TRAK2: variants seen among roughly 807,000 people sequenced by gnomAD.
TRAK2 encodes trafficking kinesin-binding protein 2.
Under a neutral mutation model 104.6 loss-of-function variants are expected in TRAK2, and 81 were observed. The observed-to-expected ratio is 0.77, with a 90% CI of 0.65 to 0.93. The LOEUF (loss-of-function observed/expected upper bound fraction) is 0.93. TRAK2 is among the 40% of genes least tolerant of loss of function. The pLI, the probability that TRAK2 is intolerant of heterozygous loss-of-function variation, is 0.00. For missense variants in TRAK2, 1,002 were observed against 1,089.0 expected (o/e 0.92, Z 1.12); for synonymous variants, 406 against 394.4 (o/e 1.03, Z -0.35).
chr2:201,429,302 C>T (rs1395218412), intron 1 of TRAK2, among the ~76,000 whole-genome samples: 2 of 152,270 alleles, frequency 1.3e-5, no homozygotes, highest in African/African-American at 2.4e-5. Flanking sequence ...ACATTTTTTC[C>T]TTCATTTCAA....
At chr2:201,443,149 C>T (rs1951938494) in intron 1 of TRAK2, among the ~76,000 whole-genome samples, 1 of 152,136 alleles carries the variant, frequency 6.6e-6, no homozygotes, top group Admixed American at 6.5e-5. Context: ...ACCCTCTGTC[C>T]TTACTCAAGC....
chr2:201,396,457 A>C (rs1193477400), intron 7 of TRAK2, among the ~76,000 whole-genome samples: 1 of 151,412 alleles, frequency 6.6e-6, no homozygotes, highest in African/African-American at 2.5e-5. Context: ...TCTGTCGGGA[A>C]TACATTCCAC....
At chr2:201,430,016 G>T (rs1370093766) in intron 1 of TRAK2, among the ~76,000 whole-genome samples, 1 of 152,170 alleles carries the variant, frequency 6.6e-6, no homozygotes, top group African/African-American at 2.4e-5. Context: ...TGGTGTGGAT[G>T]ACCTTTATGT....
rs561774666 is a variant in TRAK2 at position 201,389,999 on chromosome 2, C to T, written c.1114-119G>A. On this transcript the variant is annotated intron_variant, in intron 10 of 15. Transcript: ENST00000332624. ...CAAGGAAATAGTCAAGGCTAACATT[C>T]AGGGGAAAAAAGACATTCTGGAAAT... The T allele has an allele frequency of 7.4e-6, 5 of 674,250 alleles. No individual in the cohort carries two copies. In the East Asian group the frequency reaches 1.1e-4, roughly 15 times the overall value. The allele number at this position is 674,250 out of a possible 1,614,324, so 41.8% of individuals were successfully genotyped here.
rs1559438421 is a variant in TRAK2, at chr2:201,389,451, C to T, written c.1246G>A (p.Gly416Ser). 10 of 1,614,026 alleles carry T rather than the reference C, an allele frequency of 6.2e-6. No individual in the cohort carries two copies. The East Asian group carries it at 2.0e-4, about 32-fold the overall frequency. Residue 416 changes from glycine (G) to serine (S), a missense_variant, in exon 12 of 16, where the codon GGC becomes AGC. Transcript: ENST00000332624. The stretch of plus-strand genomic sequence containing the variant: ...AGAGCTGGGAATGAGATAGAGCGGC[C>T]CCGTGTGTCATTGGCAATCCTGACG... ...DTVRIANDTRGRSISFPALLP... is the reference protein window; with the variant it reads ...DTVRIANDTRSRSISFPALLP...
intron 2 of TRAK2, chr2:201,412,082 C>A: frequency 1.8e-6 from 2 of 1,119,220 alleles, no homozygotes; most frequent in Non-Finnish European, 2.7e-6. Flanking sequence ...AAACACAGGG[C>A]CAAGTTCAGG....
At chr2:201,445,623 G>A (rs773874097) in intron 1 of TRAK2, among the ~76,000 whole-genome samples, 3 of 152,232 alleles carry the variant, frequency 2.0e-5, no homozygotes, top group African/African-American at 2.4e-5. Flanking sequence ...ACTCCCTAAG[G>A]AGGAAAAGAT....
At position 201,435,159 on chromosome 2, in the gene TRAK2, C is replaced by T. The variant is rs895410828; in HGVS notation, c.-199-14453G>A. 2.0e-5 allele frequency among the ~76,000 whole-genome samples: 3 copies of T among 152,114 alleles called. No homozygotes were observed. The South Asian group carries it at 6.2e-4, about 31-fold the overall frequency. ...GCAACCTTCGCCTCCTGGGCTCAAG[C>T]GATCCTCCCACCTCAGCCTCCCAAG... On this transcript the variant is annotated intron_variant, in intron 1 of 15. Transcript: ENST00000332624.
chr2:201,420,678 G>A lies in TRAK2; in HGVS notation c.-171C>T. ...CATCCGTAGCAACGAGCACTCTCAT[G>A]TGATTATCATACTTTGGACAGTCAT... On this transcript the variant is annotated 5_prime_UTR_variant, in exon 2 of 16. Transcript: ENST00000332624. The A allele has an allele frequency of 1.7e-6, 1 of 582,212 alleles. No individual in the cohort carries two copies. Among genetic ancestry groups the A allele is most frequent in the East Asian group, 2.9e-5 (1 of 34,054 alleles). 36.1% of individuals were successfully genotyped at this position (582,212 alleles called of 1,614,324 possible).
At chr2:201,389,036 T>A (rs896324238) in intron 12 of TRAK2, among the ~76,000 whole-genome samples, 1 of 152,158 alleles carries the variant, frequency 6.6e-6, no homozygotes, top group African/African-American at 2.4e-5. Context: ...ATCCTAAAAA[T>A]CACCAAAGCG....
At chr2:201,420,280 T>C (rs1201335202) in intron 2 of TRAK2, 137 bp downstream of exon 2, 2 of 655,476 alleles carry the variant, frequency 3.1e-6, no homozygotes, top group East Asian at 2.7e-5. Context: ...GAGAGATTAA[T>C]TCAGTTTTTC....
At chr2:201,450,688 CTTTTT>C (rs369626279) in intron 1 of TRAK2, among the ~76,000 whole-genome samples, 1 of 137,378 alleles carries the variant, frequency 7.3e-6, no homozygotes, top group African/African-American at 2.7e-5. Flanking sequence ...GTGAAGTTAC[CTTTTT>C]TTTTTTTTTT....
chr2:201,389,116 CA>C (rs34090969), intron 12 of TRAK2, among the ~76,000 whole-genome samples, 183 bp downstream of exon 12: 3 of 152,070 alleles, frequency 2.0e-5, no homozygotes, highest in African/African-American at 7.2e-5. Flanking sequence ...CAAACAGATT[CA>C]AAAAAATTTG....
chr2:201,428,955 T>A (rs1951816771), intron 1 of TRAK2, among the ~76,000 whole-genome samples: 1 of 152,202 alleles, frequency 6.6e-6, no homozygotes, highest in Admixed American at 6.5e-5. Context: ...TCACTCATGA[T>A]TTGGTTCTCT....
At position 201,377,881 on chromosome 2, in the gene TRAK2, A is replaced by G. The variant is rs1387808164; in HGVS notation, c.*2662T>C. ...ATCACTGAAAACCTTCTTAAAGGCG[A>G]AAAAAAAAAAAGATTGAGGTTTCCT... On this transcript the variant is annotated 3_prime_UTR_variant, in exon 16 of 16. Transcript: ENST00000332624. The G allele has an allele frequency of 1.7e-5, 2 of 120,700 alleles. No homozygotes were observed. Among genetic ancestry groups the G allele is most frequent in the Admixed American group, 8.1e-5 (1 of 12,302 alleles). The allele number at this position is 120,700 out of a possible 1,614,324, so 7.5% of individuals were successfully genotyped here. A position where few individuals can be genotyped will look rare whatever the true frequency, so the allele number is the denominator to read the frequency against.
chr2:201,388,105 C>G (rs759286719), intron 12 of TRAK2, 104 bp from the exon 13 acceptor site: 1 of 1,242,782 alleles, frequency 8.0e-7, no homozygotes, highest in South Asian at 1.2e-5. Flanking sequence ...ATATTAAAAA[C>G]ATGATATTTT....
At chr2:201,426,115 T>C (rs1951785754) in intron 1 of TRAK2, among the ~76,000 whole-genome samples, 1 of 152,198 alleles carries the variant, frequency 6.6e-6, no homozygotes, top group Admixed American at 6.5e-5. Flanking sequence ...CTGTGGCCTG[T>C]CAGGAACCAG....
Position 201,381,196 on chromosome 2 carries a change from A to T in TRAK2, c.2092T>A (p.Cys698Ser). Reference protein sequence around the residue: ...TPSSGFPSLSCGSSGSSSSNT... With the variant: ...TPSSGFPSLSSGSSGSSSSNT... ...GATGAACTGCTACCGCTACTTCCACAGGATAATGAAGGGAACCCAGAGCTT... is the reference window on the plus strand; with the variant it reads ...GATGAACTGCTACCGCTACTTCCACTGGATAATGAAGGGAACCCAGAGCTT... The change falls in exon 16 of 16, where the codon TGT becomes AGT. Residue 698 changes from cysteine (C) to serine (S), a missense_variant. Transcript: ENST00000332624. 6.2e-7 allele frequency: 1 copy of T among 1,606,600 alleles called. No homozygotes were observed. The highest frequency in any genetic ancestry group is 8.5e-7 in the Non-Finnish European group (1 of 1,175,406).
chr2:201,378,095 T>C lies in TRAK2; in HGVS notation c.*2448A>G, dbSNP rs1011211288. The C allele has an allele frequency of 6.6e-6, 1 of 152,148 alleles. No homozygotes were observed. The highest frequency in any genetic ancestry group is 1.5e-5 in the Non-Finnish European group (1 of 68,014). 9.4% of individuals were successfully genotyped at this position (152,148 alleles called of 1,614,324 possible). On this transcript the variant is annotated 3_prime_UTR_variant, in exon 16 of 16. Coordinates refer to ENST00000332624, the MANE Select transcript of TRAK2 (RefSeq NM_015049.3). ...ACCAAAAATGATTTTAGGTAGAAAC[T>C]TCAAAAAACAGCAAAACCCAGTTTT...
Sources: gnomAD v4.1 joint callset for allele counts (sites outside exome capture counted in the v4.1 genomes callset) on GRCh38, gnomAD v4.1.1 for gene constraint, MANE v1.5 for transcripts, NCBI Gene and HGNC (gene_info 2026-07-23, HGNC 2026-07-21) for gene names.